EPOP: variants seen among roughly 807,000 people sequenced by gnomAD.
EPOP encodes the protein elongin BC and polycomb repressive complex 2 associated protein.
Under a neutral mutation model 18.2 loss-of-function variants are expected in EPOP, and 14 were observed. The observed-to-expected ratio is 0.77, with a 90% CI of 0.51 to 1.20. The LOEUF (loss-of-function observed/expected upper bound fraction) is 1.20. Among genes scored for constraint, EPOP ranks in the 50% most tolerant of loss-of-function variants. The probability of loss-of-function intolerance (pLI) is 0.00; values close to 1 mark genes in which losing one functional copy is unlikely to be tolerated. For missense variants in EPOP, 527 were observed against 577.2 expected (o/e 0.91, Z 0.89); for synonymous variants, 252 against 274.9 (o/e 0.92, Z 0.83).
rs1247305633 is a variant in EPOP, at chr17:38,674,283, C to G, written c.213G>C (p.Arg71=). 1.3e-6 allele frequency: 2 copies of G among 1,502,044 alleles called. No individual in the cohort carries two copies. Among genetic ancestry groups the G allele is most frequent in the Non-Finnish European group, 1.8e-6 (2 of 1,132,960 alleles). 93.0% of individuals were successfully genotyped at this position (1,502,044 alleles called of 1,614,324 possible). The change falls in exon 1 of 1, where the codon CGG becomes CGC. Residue 71 remains arginine (R), a synonymous_variant. Transcript: ENST00000621654. The surrounding 1 kb of genome is among the most constrained non-coding windows in gnomAD (Gnocchi z 4.5). ...CAGGGCGCAGGGGGGCCTGAGGGCC[C>G]CGCAGCACTGGGGACCGCGCCGCCA... ...GELAARSPVL[R]GPQAPLRPGG... is the part of the protein sequence containing the mutation.
In EPOP at chr17:38,673,527, CG is replaced by C; in HGVS notation, c.968del (p.Pro323ArgfsTer11). On this transcript the variant is annotated frameshift_variant, in exon 1 of 1. Transcript: ENST00000621654. LOFTEE classifies it high-confidence loss of function. ...FSLLNCFPCP[P>X]ALVVGEDGDL... is the part of the protein sequence containing the mutation. ...CTCCGTCTTCCCCCACCACCAGGGC[CG>C]GGGGGCAGGGGAAGCAGTTGAGGAG... 8 of 1,518,272 alleles carry C rather than the reference CG, an allele frequency of 5.3e-6. No individual in the cohort carries two copies. Among genetic ancestry groups the C allele is most frequent in the Admixed American group, 2.1e-5 (1 of 48,470 alleles). The allele number at this position is 1,518,272 out of a possible 1,614,324, so 94.1% of individuals were successfully genotyped here. A position where few individuals can be genotyped will look rare whatever the true frequency, so the allele number is the denominator to read the frequency against.
rs1911066428 is a variant in EPOP at position 38,674,590 on chromosome 17, C to T, written c.-95G>A. On this transcript the variant is annotated 5_prime_UTR_variant, in exon 1 of 1. Transcript: ENST00000621654. This position sits in a 1 kb window ranked among gnomAD's most constrained non-coding sequence, Gnocchi z 4.5. ...AGCCCACGGGTGAGGGGAACATCGC[C>T]CCCCGTCGACGGGGAGGTCTCTGCT... 3.1e-6 allele frequency: 4 copies of T among 1,278,618 alleles called. No individual in the cohort carries two copies. Among genetic ancestry groups the T allele is most frequent in the Non-Finnish European group, 3.1e-6 (3 of 976,832 alleles). 79.2% of individuals were successfully genotyped at this position (1,278,618 alleles called of 1,614,324 possible).
chr17:38,674,781 T>A lies in EPOP; in HGVS notation c.-286A>T. 1 of 285,322 alleles carries A rather than the reference T, an allele frequency of 3.5e-6. No individual in the cohort carries two copies. The allele number at this position is 285,322 out of a possible 1,614,324, so 17.7% of individuals were successfully genotyped here. ...CCTTCGCAACCCCGGCGGGAGACCCTCTCGAGTCGCCCGAAGCGCAGAGGC... is the reference window on the plus strand; with the variant it reads ...CCTTCGCAACCCCGGCGGGAGACCCACTCGAGTCGCCCGAAGCGCAGAGGC... On this transcript the variant is annotated 5_prime_UTR_variant, in exon 1 of 1. Transcript: ENST00000621654. This position sits in a 1 kb window ranked among gnomAD's most constrained non-coding sequence, Gnocchi z 4.5.
At position 38,673,443 on chromosome 17, in the gene EPOP, GTGGGC is replaced by G; in HGVS notation, c.1048_1052del (p.Ala350ProfsTer14). 1.3e-6 allele frequency: 2 copies of G among 1,515,038 alleles called. No homozygotes were observed. Among genetic ancestry groups the G allele is most frequent in the Admixed American group, 2.1e-5 (1 of 47,438 alleles). The allele number at this position is 1,515,038 out of a possible 1,614,324, so 93.8% of individuals were successfully genotyped here. On this transcript the variant is annotated frameshift_variant, in exon 1 of 1. Transcript: ENST00000621654. LOFTEE classifies it high-confidence loss of function. ...CCCCCATCTGCCACCTCCACAGCGG[GTGGGC>G]GGGCGGGGGCTTAGAGTCTCCCTGG...
At position 38,674,524 on chromosome 17, in the gene EPOP, G is replaced by T; in HGVS notation, c.-29C>A. On this transcript the variant is annotated 5_prime_UTR_variant, in exon 1 of 1. Transcript: ENST00000621654. This position sits in a 1 kb window ranked among gnomAD's most constrained non-coding sequence, Gnocchi z 4.5. ...GCAGCCTGAGGGGTGCCCACTGAGC[G>T]GGTCCAGGTCCCAGCGGCGGGATGC... 6.7e-7 allele frequency: 1 copy of T among 1,489,476 alleles called. No individual in the cohort carries two copies. The highest frequency in any genetic ancestry group is 8.9e-7 in the Non-Finnish European group (1 of 1,123,122). The allele number at this position is 1,489,476 out of a possible 1,614,324, so 92.3% of individuals were successfully genotyped here.
chr17:38,673,778 G>T lies in EPOP; in HGVS notation c.718C>A (p.Leu240Ile). The T allele has an allele frequency of 1.3e-6, 2 of 1,521,100 alleles. No individual in the cohort carries two copies. Among genetic ancestry groups the T allele is most frequent in the Non-Finnish European group, 1.8e-6 (2 of 1,134,962 alleles). 94.2% of individuals were successfully genotyped at this position (1,521,100 alleles called of 1,614,324 possible). Residue 240 changes from leucine (L) to isoleucine (I), a missense_variant, in exon 1 of 1, where the codon CTC (leucine) becomes ATC (isoleucine). Leu to Ile is a conservative substitution (Grantham distance 5). Transcript: ENST00000621654. ...ASPAPAAPGD[L>I]RQEHFDRLIR... ...AGACGATCGAAATGTTCCTGGCGGA[G>T]ATCTCCGGGTGCGGCCGGAGCCGGG...
In EPOP at chr17:38,674,064, C is replaced by T; in HGVS notation, c.432G>A (p.Pro144=). The T allele has an allele frequency of 7.1e-7, 1 of 1,401,984 alleles. No individual in the cohort carries two copies. Among genetic ancestry groups the T allele is most frequent in the Non-Finnish European group, 9.2e-7 (1 of 1,087,398 alleles). 86.8% of individuals were successfully genotyped at this position (1,401,984 alleles called of 1,614,324 possible). A position where few individuals can be genotyped will look rare whatever the true frequency, so the allele number is the denominator to read the frequency against. ...CAPPGRCPAP[P]HPRESTTSFA... ...AGCTGGTCGTAGATTCCCGAGGGTG[C>T]GGGGGCGCAGGGCAGCGGCCCGGAG... Residue 144 remains proline, a synonymous_variant, in exon 1 of 1, where the codon CCG becomes CCA. Coordinates refer to ENST00000621654, the MANE Select transcript of EPOP (RefSeq NM_001130677.2). The surrounding 1 kb of genome is among the most constrained non-coding windows in gnomAD (Gnocchi z 4.5).
At position 38,674,708 on chromosome 17, in the gene EPOP, G is replaced by A; in HGVS notation, c.-213C>T. 1 of 421,300 alleles carries A rather than the reference G, an allele frequency of 2.4e-6. No homozygotes were observed. Among genetic ancestry groups the A allele is most frequent in the Non-Finnish European group, 4.1e-6 (1 of 242,546 alleles). The allele number at this position is 421,300 out of a possible 1,614,324, so 26.1% of individuals were successfully genotyped here. On this transcript the variant is annotated 5_prime_UTR_variant, in exon 1 of 1. Transcript: ENST00000621654. The surrounding 1 kb of genome is among the most constrained non-coding windows in gnomAD (Gnocchi z 4.5). ...GCCCTCCCGGCGGCCGGACTCCTGG[G>A]TCCCTGTGAGTCCCGGCGGGGTCGG... is the stretch of plus-strand genomic sequence containing the variant.
Position 38,672,777 on chromosome 17 carries a change from G to A in EPOP, c.*579C>T, listed in dbSNP as rs1910981923. On this transcript the variant is annotated 3_prime_UTR_variant, in exon 1 of 1. Coordinates refer to ENST00000621654, the MANE Select transcript of EPOP (RefSeq NM_001130677.2). The stretch of plus-strand genomic sequence containing the variant: ...GGGGCCTAGAAAGGGGACAGGAAGG[G>A]GGTGATCTTCCTCTTACCCAAGTTC... 1 of 152,480 alleles carries A rather than the reference G, an allele frequency of 6.6e-6. No individual in the cohort carries two copies. Among genetic ancestry groups the A allele is most frequent in the Non-Finnish European group, 1.5e-5 (1 of 68,270 alleles). 9.4% of individuals were successfully genotyped at this position (152,480 alleles called of 1,614,324 possible).
At position 38,673,744 on chromosome 17, in the gene EPOP, C is replaced by A. The variant is rs1049778557; in HGVS notation, c.752G>T (p.Arg251Leu). 3.9e-6 allele frequency: 6 copies of A among 1,529,136 alleles called. No individual in the cohort carries two copies. The East Asian group carries it at 1.6e-4, about 41-fold the overall frequency. The allele number at this position is 1,529,136 out of a possible 1,614,324, so 94.7% of individuals were successfully genotyped here. A position where few individuals can be genotyped will look rare whatever the true frequency, so the allele number is the denominator to read the frequency against. Residue 251 changes from arginine (R) to leucine (L), a missense_variant, in exon 1 of 1, where the codon CGG becomes CTG. Arg to Leu is a moderately radical substitution (Grantham distance 102). Coordinates refer to ENST00000621654, the MANE Select transcript of EPOP (RefSeq NM_001130677.2). ...RQEHFDRLIR[R>L]SKLWCYAKGF... ...CTTCGCGTAACACCAAAGTTTCGAC[C>A]GGCGGATCAGACGATCGAAATGTTC... is the stretch of plus-strand genomic sequence containing the variant.
Position 38,673,648 on chromosome 17 carries a change from C to G in EPOP, c.848G>C (p.Gly283Ala), listed in dbSNP as rs976831316. The change falls in exon 1 of 1, where the codon GGA becomes GCA. Residue 283 changes from glycine (G) to alanine (A), a missense_variant. Transcript: ENST00000621654. ...ERPPAKGPARGAAKKRRLPAP... is the reference protein window; with the variant it reads ...ERPPAKGPARAAAKKRRLPAP... ...CGGCAGCCGGCGTTTCTTGGCGGCT[C>G]CCCGAGCCGGCCCTTTCGCAGGCGG... is the stretch of plus-strand genomic sequence containing the variant. The G allele has an allele frequency of 2.6e-6, 4 of 1,526,846 alleles. No homozygotes were observed. The highest frequency in any genetic ancestry group is 2.6e-6 in the Non-Finnish European group (3 of 1,137,482). The allele number at this position is 1,526,846 out of a possible 1,614,324, so 94.6% of individuals were successfully genotyped here. A position where few individuals can be genotyped will look rare whatever the true frequency, so the allele number is the denominator to read the frequency against.
Position 38,674,468 on chromosome 17 carries a change from G to T in EPOP, c.28C>A (p.Leu10Met). 2 of 1,537,276 alleles carry T rather than the reference G, an allele frequency of 1.3e-6. No homozygotes were observed. Among genetic ancestry groups the T allele is most frequent in the Non-Finnish European group, 1.7e-6 (2 of 1,145,054 alleles). Residue 10 changes from leucine (L) to methionine (M), a missense_variant, in exon 1 of 1, where the codon CTG becomes ATG. By Grantham distance (15) the Leu-to-Met change is conservative. Transcript: ENST00000621654. The surrounding 1 kb of genome is among the most constrained non-coding windows in gnomAD (Gnocchi z 4.5). METLCPAPR[L>M]AVPASPRGSP... is the part of the protein sequence containing the mutation. ...CCTCGCGGGGACGCCGGCACTGCCA[G>T]GCGGGGCGCAGGGCACAGGGTCTCC...
Position 38,673,664 on chromosome 17 carries a change from T to C in EPOP, c.832A>G (p.Lys278Glu), listed in dbSNP as rs1478716713. 2.6e-6 allele frequency: 4 copies of C among 1,530,240 alleles called. No individual in the cohort carries two copies. The highest frequency in any genetic ancestry group is 3.5e-6 in the Non-Finnish European group (4 of 1,138,958). 94.8% of individuals were successfully genotyped at this position (1,530,240 alleles called of 1,614,324 possible). A position where few individuals can be genotyped will look rare whatever the true frequency, so the allele number is the denominator to read the frequency against. The change falls in exon 1 of 1, where the codon AAA (lysine) becomes GAA (glutamate). Residue 278 changes from lysine to glutamate, a missense_variant. Coordinates refer to ENST00000621654, the MANE Select transcript of EPOP (RefSeq NM_001130677.2). ...LRRGPERPPA[K>E]GPARGAAKKR... ...TTGGCGGCTCCCCGAGCCGGCCCTT[T>C]CGCAGGCGGCCGCTCTGGCCCCCGG...
chr17:38,673,989 G>T lies in EPOP; in HGVS notation c.507C>A (p.Gly169=). The T allele has an allele frequency of 7.2e-7, 1 of 1,395,172 alleles. No homozygotes were observed. The highest frequency in any genetic ancestry group is 9.2e-7 in the Non-Finnish European group (1 of 1,086,100). 86.4% of individuals were successfully genotyped at this position (1,395,172 alleles called of 1,614,324 possible). ...RPAPGLEPQR[G]PAASPPQEPS... ...GTTCCTGAGGCGGGCTGGCGGCTGG[G>T]CCACGCTGAGGCTCGAGACCCGGGG... Residue 169 remains glycine, a synonymous_variant, in exon 1 of 1, where the codon GGC becomes GGA. Transcript: ENST00000621654.
rs1196559622 is a variant in EPOP, at chr17:38,674,034, G to C, written c.462C>G (p.Ala154=). Residue 154 remains alanine, a synonymous_variant, in exon 1 of 1, where the codon GCC becomes GCG. Transcript: ENST00000621654. This position sits in a 1 kb window ranked among gnomAD's most constrained non-coding sequence, Gnocchi z 4.5. ...PHPRESTTSF[A]SAPPRPAPGL... ...CCGGGGCCGGGCGAGGCGGGGCCGA[G>C]GCGAAGCTGGTCGTAGATTCCCGAG... 3 of 1,388,046 alleles carry C rather than the reference G, an allele frequency of 2.2e-6. No individual in the cohort carries two copies. In the African/African-American group the frequency reaches 4.6e-5, roughly 21 times the overall value. The allele number at this position is 1,388,046 out of a possible 1,614,324, so 86.0% of individuals were successfully genotyped here. A position where few individuals can be genotyped will look rare whatever the true frequency, so the allele number is the denominator to read the frequency against.
Position 38,673,910 on chromosome 17 carries a change from G to A in EPOP, c.586C>T (p.Pro196Ser). 7.2e-7 allele frequency: 1 copy of A among 1,388,558 alleles called. No homozygotes were observed. The highest frequency in any genetic ancestry group is 1.7e-5 in the South Asian group (1 of 59,022). The allele number at this position is 1,388,558 out of a possible 1,614,324, so 86.0% of individuals were successfully genotyped here. ...AGGAACGGCCGCGGCGCCGTCCCGG[G>A]ACCCGCGGGCTCGGTGGAGAGGCCC... ...PAGLSTEPAG[P>S]GTAPRPFLPG... The change falls in exon 1 of 1, where the codon CCC becomes TCC. Residue 196 changes from proline (P) to serine (S), a missense_variant. Transcript: ENST00000621654.
Position 38,673,881 on chromosome 17 carries a change from G to C in EPOP, c.615C>G (p.Pro205=). The C allele has an allele frequency of 7.1e-7, 1 of 1,408,148 alleles. No individual in the cohort carries two copies. 87.2% of individuals were successfully genotyped at this position (1,408,148 alleles called of 1,614,324 possible). ...TTCCATCGACTTCGGCAGGCTGGCCGGGCAGGAACGGCCGCGGCGCCGTCC... is the reference window on the plus strand; with the variant it reads ...TTCCATCGACTTCGGCAGGCTGGCCCGGCAGGAACGGCCGCGGCGCCGTCC... The part of the protein sequence containing the change: ...GPGTAPRPFL[P]GQPAEVDGNP... The change falls in exon 1 of 1, where the codon CCC becomes CCG. Residue 205 remains proline (P), a synonymous_variant. Coordinates refer to ENST00000621654, the MANE Select transcript of EPOP (RefSeq NM_001130677.2).
In EPOP at chr17:38,673,214, G is replaced by T; in HGVS notation, c.*142C>A. 1.5e-6 allele frequency: 2 copies of T among 1,360,214 alleles called. No individual in the cohort carries two copies. The highest frequency in any genetic ancestry group is 1.9e-6 in the Non-Finnish European group (2 of 1,050,056). 84.3% of individuals were successfully genotyped at this position (1,360,214 alleles called of 1,614,324 possible). On this transcript the variant is annotated 3_prime_UTR_variant, in exon 1 of 1. Transcript: ENST00000621654. Reference sequence around the variant, plus strand: ...ACCCCGAAAACTTAGGTGCTTGAATGAAGATCACTGTTATTTAGGTCCCTC... The same window carrying T: ...ACCCCGAAAACTTAGGTGCTTGAATTAAGATCACTGTTATTTAGGTCCCTC...
Position 38,674,429 on chromosome 17 carries a change from G to C in EPOP, c.67C>G (p.Pro23Ala). 2 of 1,542,084 alleles carry C rather than the reference G, an allele frequency of 1.3e-6. No individual in the cohort carries two copies. The highest frequency in any genetic ancestry group is 1.7e-6 in the Non-Finnish European group (2 of 1,146,018). The change falls in exon 1 of 1, where the codon CCC (proline) becomes GCC (alanine). Residue 23 changes from proline (P) to alanine (A), a missense_variant. Transcript: ENST00000621654. The surrounding 1 kb of genome is among the most constrained non-coding windows in gnomAD (Gnocchi z 4.5). ...PASPRGSPCS[P>A]TPRKPCRGTQ... is the part of the protein sequence containing the mutation. ...CCCCGACACGGCTTCCGGGGCGTGG[G>C]GGAGCAGGGCGACCCTCGCGGGGAC...
Sources: gnomAD v4.1 joint callset for allele counts on GRCh38, gnomAD v4.1.1 for gene constraint, Gnocchi (gnomAD v3.1) non-coding constraint, MANE v1.5 for transcripts, NCBI Gene and HGNC (gene_info 2026-07-23, HGNC 2026-07-21) for gene names.